Variants in ERCC6L2 observed in about 807,000 individuals in gnomAD.
ERCC6L2 encodes the protein ERCC excision repair 6 like 2.
ERCC6L2 carries 77 observed loss-of-function variants against 132.0 expected under a neutral mutation model. That is an observed-to-expected ratio of 0.58 (90% CI 0.49 to 0.71). The LOEUF (loss-of-function observed/expected upper bound fraction) is 0.71, where lower values mean the gene tolerates loss of function less well. Ranked by LOEUF, ERCC6L2 falls within the 30% of genes least tolerant of loss-of-function variation. The pLI is 0.00. For synonymous variants in ERCC6L2, 583 were observed against 632.4 expected, an observed-to-expected ratio of 0.92 and a Z score of 1.17; for missense variants, 1,542 against 1,837.6, an observed-to-expected ratio of 0.84 and a Z score of 2.94.
chr9:95,986,766 G>A (rs1307762076), intron 17 of ERCC6L2, among the ~76,000 whole-genome samples: 2 of 151,898 alleles, frequency 1.3e-5, no homozygotes, highest in African/African-American at 4.8e-5. Context: ...CAAAGTGCTG[G>A]GATTACAGGC....
chr9:95,935,324 G>T (rs1226833505), intron 11 of ERCC6L2, among the ~76,000 whole-genome samples: 1 of 152,124 alleles, frequency 6.6e-6, no homozygotes, highest in African/African-American at 2.4e-5. Context: ...AATAACTAGA[G>T]AACTTATGTG....
intron 10 of ERCC6L2, 104 bp downstream of exon 10, chr9:95,928,254 A>G: frequency 1.4e-6 from 1 of 701,846 alleles, no homozygotes; most frequent in East Asian, 2.7e-5. Flanking sequence ...ATTTTCTCTT[A>G]TCTACACAGT....
chr9:96,019,301 C>A (rs1222656743), downstream of ERCC6L2, among the ~76,000 whole-genome samples: 1 of 152,120 alleles, frequency 6.6e-6, no homozygotes, highest in Non-Finnish European at 1.5e-5. Context: ...AATTATTTTT[C>A]AAAATATAAA....
rs1406182191 is a variant in ERCC6L2, at chr9:95,971,993, A to G, written c.2242A>G (p.Lys748Glu). 1.5e-6 allele frequency: 2 copies of G among 1,304,020 alleles called. No homozygotes were observed. The allele number at this position is 1,304,020 out of a possible 1,614,324, so 80.8% of individuals were successfully genotyped here. Reference sequence around the variant, plus strand: ...AGAACAAGCTGCAGAGCCACTGGCAAAGGAAGCATGTGATCTCTGCAGTGA... The same window carrying G: ...AGAACAAGCTGCAGAGCCACTGGCAGAGGAAGCATGTGATCTCTGCAGTGA... ...GTEQAAEPLAKEACDLCSDFS... is the reference protein window; with the variant it reads ...GTEQAAEPLAEEACDLCSDFS... The change falls in exon 16 of 19, where the codon AAG (lysine) becomes GAG (glutamate). Residue 748 changes from lysine (K) to glutamate (E), a missense_variant. Around this residue, in one of 4 missense-constraint regions of ERCC6L2, gnomAD observed 945 missense variants for 1,105.2 expected, o/e 0.86. Coordinates refer to ENST00000653738, the MANE Select transcript of ERCC6L2 (RefSeq NM_020207.7).
chr9:96,030,200 C>T (rs1281630831), intron 19 of ERCC6L2, among the ~76,000 whole-genome samples: 2 of 152,152 alleles, frequency 1.3e-5, no homozygotes, highest in Non-Finnish European at 2.9e-5. Flanking sequence ...ATGGATCAGT[C>T]AGCACCCTGT....
chr9:95,880,712 A>T (rs2132511429), intron 1 of ERCC6L2, among the ~76,000 whole-genome samples, 157 bp from the exon 2 acceptor site: 1 of 152,308 alleles, frequency 6.6e-6, no homozygotes, highest in African/African-American at 2.4e-5. Flanking sequence ...CTGAAAATCT[A>T]TTTTAGAAAA....
At chr9:96,002,382 A>G (rs116802852) in intron 17 of ERCC6L2, among the ~76,000 whole-genome samples, 4,134 of 148,918 alleles carry the variant, frequency 0.028, 207 homozygotes, top group African/African-American at 0.097. Context: ...CTTTTGGTGG[A>G]TAGGATTGTG....
At position 95,970,565 on chromosome 9, in the gene ERCC6L2, T is replaced by C. The variant is rs944781023; in HGVS notation, c.2101-11T>C. 2.3e-6 allele frequency: 3 copies of C among 1,299,314 alleles called. No homozygotes were observed. Among genetic ancestry groups the C allele is most frequent in the African/African-American group, 3.0e-5 (2 of 65,642 alleles). The allele number at this position is 1,299,314 out of a possible 1,614,324, so 80.5% of individuals were successfully genotyped here. On this transcript the variant is annotated splice_polypyrimidine_tract_variant and intron_variant, in intron 14 of 18. Coordinates refer to ENST00000653738, the MANE Select transcript of ERCC6L2 (RefSeq NM_020207.7). ...CATAGCTATTTGCATTCTTTCTTAC[T>C]GACATTATAGAGAGAAGGCCAAGTA...
intron 3 of ERCC6L2, chr9:95,906,763 ATTC>A (rs1227191559): frequency 1.7e-5 from 8 of 467,692 alleles, no homozygotes; most frequent in Non-Finnish European, 3.3e-5. Flanking sequence ...TCCAGATTTT[ATTC>A]TTTTCTCTCT....
chr9:95,916,500 A>C, intron 6 of ERCC6L2, 66 bp downstream of exon 6: 1 of 1,323,274 alleles, frequency 7.6e-7, no homozygotes, highest in South Asian at 1.7e-5. Context: ...TTTAAGAAAA[A>C]GTCTGTCTCC....
intron 1 of ERCC6L2, chr9:95,876,353 T>C (rs1345900109): frequency 4.8e-6 from 2 of 418,532 alleles, no homozygotes; most frequent in Non-Finnish European, 8.6e-6. Context: ...TAAAACTGGG[T>C]TCATTACTAG....
chr9:95,981,257 C>T (rs910509994), intron 17 of ERCC6L2, among the ~76,000 whole-genome samples: 1 of 152,096 alleles, frequency 6.6e-6, no homozygotes, highest in Non-Finnish European at 1.5e-5. Flanking sequence ...CAGAGTTTTT[C>T]CATATACAGT....
rs147644526 is a variant in ERCC6L2 at position 95,957,140 on chromosome 9, TA to T, written c.1947+1130del. Among the ~76,000 whole-genome samples the T allele has an allele frequency of 5.7e-3, 865 of 152,274 alleles. 21 individuals are homozygous for T. The East Asian group carries it at 0.092, about 16-fold the overall frequency. ...TCAATTACTACTTCATTTATGCCTC[TA>T]AACAAACAATATTTATTTAGTTTAC... is the stretch of plus-strand genomic sequence containing the variant. On this transcript the variant is annotated intron_variant, in intron 13 of 18. Coordinates refer to ENST00000653738, the MANE Select transcript of ERCC6L2 (RefSeq NM_020207.7).
At chr9:95,936,696 A>T (rs993183195) in intron 11 of ERCC6L2, among the ~76,000 whole-genome samples, 6 of 152,200 alleles carry the variant, frequency 3.9e-5, no homozygotes, top group Non-Finnish European at 8.8e-5. Flanking sequence ...CAGGATACTG[A>T]CGTTGATACA....
In ERCC6L2 at chr9:95,881,066, C is replaced by G. The variant is rs1827563197; in HGVS notation, c.244C>G (p.Leu82Val). The G allele has an allele frequency of 6.2e-7, 1 of 1,613,658 alleles. No homozygotes were observed. The highest frequency in any genetic ancestry group is 8.5e-7 in the Non-Finnish European group (1 of 1,179,770). The change falls in exon 2 of 19, where the codon CTT becomes GTT. Residue 82 changes from leucine (L) to valine (V), a missense_variant. This residue lies in a region of ERCC6L2 where 153 missense variants were observed against 132.3 expected (regional missense o/e 1.16). Transcript: ENST00000653738. ...VKFVKDCPRN[L>V]IFDDEDLEKP... ...ATTTGTTAAAGATTGCCCTAGGAAT[C>G]TTATATTTGATGATGAAGATTTAGA...
At chr9:95,947,124 C>T (rs372509678) in intron 12 of ERCC6L2, among the ~76,000 whole-genome samples, 7 of 152,262 alleles carry the variant, frequency 4.6e-5, no homozygotes, top group African/African-American at 1.7e-4. Flanking sequence ...GTGAGGAGGG[C>T]ATGTTGAAAG....
At chr9:95,890,865 C>T (rs1441607283) in intron 2 of ERCC6L2, among the ~76,000 whole-genome samples, 1 of 152,160 alleles carries the variant, frequency 6.6e-6, no homozygotes, top group Non-Finnish European at 1.5e-5. Flanking sequence ...GGTGGGATTT[C>T]ACCATGCTGC....
chr9:96,027,552 C>G (rs187471594), intron 19 of ERCC6L2: 16 of 152,144 alleles, frequency 1.1e-4, no homozygotes, highest in Admixed American at 5.9e-4. Flanking sequence ...CGCGTGGAGG[C>G]TGCAGCCCCT....
intron 15 of ERCC6L2, among the ~76,000 whole-genome samples, chr9:95,971,290 G>C (rs1832400482): frequency 2.0e-5 from 3 of 151,882 alleles, no homozygotes. Flanking sequence ...CTCAAATATT[G>C]GCAAAAGTAT....
Sources: gnomAD v4.1 joint callset for allele counts (sites outside exome capture counted in the v4.1 genomes callset) on GRCh38, gnomAD v4.1.1 for gene constraint, gnomAD v4.1.1 regional missense constraint, MANE v1.5 for transcripts, NCBI Gene and HGNC (gene_info 2026-07-23, HGNC 2026-07-21) for gene names.